PEAK1: variants seen among roughly 807,000 people sequenced by gnomAD.
PEAK1 encodes inactive tyrosine-protein kinase PEAK1.
Under a neutral mutation model 124.7 loss-of-function variants are expected in PEAK1, and 54 were observed. That is an observed-to-expected ratio of 0.43 (90% CI 0.35 to 0.54). The LOEUF (loss-of-function observed/expected upper bound fraction) is 0.54. Among genes scored for constraint, PEAK1 ranks in the 20% least tolerant of loss-of-function variants. The pLI is 0.01. For missense variants in PEAK1, 2,046 were observed against 2,134.5 expected, an observed-to-expected ratio of 0.96 and a Z score of 0.82; for synonymous variants, 719 against 760.0, an observed-to-expected ratio of 0.95 and a Z score of 0.89.
intron 5 of PEAK1, among the ~76,000 whole-genome samples, chr15:77,262,847 T>A (rs1204430639): frequency 6.6e-6 from 1 of 152,072 alleles, no homozygotes; most frequent in Non-Finnish European, 1.5e-5. Flanking sequence ...GACCACATAG[T>A]TGGAAGTAAA....
intron 1 of PEAK1, chr15:77,403,457 T>C: frequency 1.1e-6 from 1 of 931,926 alleles, no homozygotes; most frequent in South Asian, 5.0e-5. Flanking sequence ...AAATAATTAT[T>C]AAAGAGTTCT....
At chr15:77,365,959 TAAGTA>T (rs993077568) in intron 1 of PEAK1, among the ~76,000 whole-genome samples, 18 of 151,896 alleles carry the variant, frequency 1.2e-4, no homozygotes, top group Non-Finnish European at 2.2e-4. Context: ...CCTAAGCAAA[TAAGTA>T]AATTAAATAA....
intron 5 of PEAK1, among the ~76,000 whole-genome samples, chr15:77,262,192 T>G (rs1336209738): frequency 6.6e-6 from 1 of 151,926 alleles, no homozygotes; most frequent in Admixed American, 6.6e-5. Context: ...TAGGAAGAAA[T>G]TGCATCAACT....
At chr15:77,336,677 T>A (rs1001533308) in intron 2 of PEAK1, 1 of 373,382 alleles carries the variant, frequency 2.7e-6, no homozygotes, top group African/African-American at 2.2e-5. Context: ...ATTATATACC[T>A]CTATAAAATA....
intron 9 of PEAK1, among the ~76,000 whole-genome samples, chr15:77,119,156 G>A (rs1335745661): frequency 2.6e-5 from 4 of 152,142 alleles, no homozygotes; most frequent in Admixed American, 6.5e-5. Flanking sequence ...GGAACTCCTC[G>A]TGTGAAGAGC....
At chr15:77,176,167 G>A (rs1471487688) in intron 7 of PEAK1, among the ~76,000 whole-genome samples, 1 of 151,078 alleles carries the variant, frequency 6.6e-6, no homozygotes, top group African/African-American at 2.4e-5. Context: ...ACGAGTTAAT[G>A]GGTGCAGCAC....
chr15:77,364,727 A>T (rs1369760043), intron 2 of PEAK1, among the ~76,000 whole-genome samples: 1 of 152,244 alleles, frequency 6.6e-6, no homozygotes, highest in African/African-American at 2.4e-5. Flanking sequence ...AGAGGCTCCC[A>T]AACAGGGAAC....
rs2069955689 is a variant in PEAK1 at position 77,386,517 on chromosome 15, C to G, written c.-665-21292G>C. ...CAGAGGGAAAAAATTTTCCAAAACC[C>G]CAATCCATTTAGGCTGGCTTTGTTC... On this transcript the variant is annotated intron_variant, in intron 1 of 9. Coordinates refer to ENST00000682557, the MANE Select transcript of PEAK1 (RefSeq NM_001385026.1). Among the ~76,000 whole-genome samples the G allele has an allele frequency of 2.0e-5, 3 of 152,010 alleles. No individual in the cohort carries two copies. In the South Asian group the frequency reaches 6.2e-4, roughly 32 times the overall value.
rs75417329 is a variant in PEAK1 at position 77,284,700 on chromosome 15, T to C, written c.-423+258A>G. Among the ~76,000 whole-genome samples, 12 of 152,276 alleles carry C rather than the reference T, an allele frequency of 7.9e-5. No individual in the cohort carries two copies. The East Asian group carries it at 2.3e-3, about 29-fold the overall frequency. ...TAAGAATGCTTACAAATGACACTAA[T>C]AGCAAAAGGAGCTCAGACTAAATTG... On this transcript the variant is annotated intron_variant, in intron 4 of 9. Coordinates refer to ENST00000682557, the MANE Select transcript of PEAK1 (RefSeq NM_001385026.1).
intron 2 of PEAK1, among the ~76,000 whole-genome samples, chr15:77,293,208 T>C (rs985559407): frequency 1.3e-5 from 2 of 152,254 alleles, no homozygotes; most frequent in Admixed American, 1.3e-4. Flanking sequence ...CTTGAACCAT[T>C]GGCAGTTTAC....
chr15:77,257,687 C>A (rs1368875041), intron 5 of PEAK1, among the ~76,000 whole-genome samples: 1 of 151,798 alleles, frequency 6.6e-6, no homozygotes, highest in Admixed American at 6.6e-5. Flanking sequence ...TGCCTGTTCA[C>A]TCTGATGGTA....
chr15:77,336,092 A>G (rs2066181684), intron 2 of PEAK1: 1 of 985,398 alleles, frequency 1.0e-6, no homozygotes, highest in Non-Finnish European at 1.2e-6. Flanking sequence ...ATGAAAGACT[A>G]AACAGTGAGT....
intron 2 of PEAK1, chr15:77,346,828 G>A (rs572165504): frequency 9.9e-5 from 75 of 759,638 alleles, no homozygotes; most frequent in Admixed American, 2.5e-4. Context: ...GTAGGTGCTA[G>A]AGATACAGCA....
intron 7 of PEAK1, among the ~76,000 whole-genome samples, chr15:77,170,759 T>C (rs1239018373): frequency 6.6e-5 from 10 of 152,188 alleles, no homozygotes; most frequent in Non-Finnish European, 1.5e-4. Flanking sequence ...AGGGAAACTT[T>C]AGCTCAGAGA....
At chr15:77,370,059 C>A (rs2068534746) in intron 1 of PEAK1, among the ~76,000 whole-genome samples, 1 of 152,180 alleles carries the variant, frequency 6.6e-6, no homozygotes, top group Non-Finnish European at 1.5e-5. Flanking sequence ...CATCAAAGAT[C>A]ATTTCCTATT....
intron 8 of PEAK1, among the ~76,000 whole-genome samples, chr15:77,137,913 G>A (rs1168984790): frequency 6.6e-6 from 1 of 152,146 alleles, no homozygotes; most frequent in Non-Finnish European, 1.5e-5. Context: ...GGGACCTGGT[G>A]GGAGGTAACT....
intron 1 of PEAK1, chr15:77,402,296 C>A: frequency 1.0e-6 from 1 of 984,932 alleles, no homozygotes; most frequent in Non-Finnish European, 1.2e-6. Flanking sequence ...CTTTAAAATG[C>A]ATATCTAGAC....
rs1567011197 is a variant in PEAK1 at position 77,133,973 on chromosome 15, C to A, written c.3332-223G>T. On this transcript the variant is annotated intron_variant, in intron 8 of 9. Coordinates refer to ENST00000682557, the MANE Select transcript of PEAK1 (RefSeq NM_001385026.1). The surrounding 1 kb of genome is among the most constrained non-coding windows in gnomAD (Gnocchi z 4.2). ...CGACAAATATGCATAATGTCTTGGC[C>A]TTGTCTAGGAACAGGGCACTGGTTT... Among the ~76,000 whole-genome samples, 2 of 152,098 alleles carry A rather than the reference C, an allele frequency of 1.3e-5. No individual in the cohort carries two copies. Among genetic ancestry groups the A allele is most frequent in the African/African-American group, 2.4e-5 (1 of 41,408 alleles).
At chr15:77,309,661 A>C (rs1226719945) in intron 2 of PEAK1, among the ~76,000 whole-genome samples, 1 of 152,138 alleles carries the variant, frequency 6.6e-6, no homozygotes, top group Non-Finnish European at 1.5e-5. Flanking sequence ...CCCTTTATTT[A>C]ATCCACCAAA....
Sources: gnomAD v4.1 joint callset for allele counts (sites outside exome capture counted in the v4.1 genomes callset) on GRCh38, gnomAD v4.1.1 for gene constraint, Gnocchi (gnomAD v3.1) non-coding constraint, MANE v1.5 for transcripts, NCBI Gene and HGNC (gene_info 2026-07-23, HGNC 2026-07-21) for gene names.